Variants in STAG2 observed in about 807,000 individuals in gnomAD.
STAG2 encodes cohesin subunit SA-2.
Under a neutral mutation model 108.1 loss-of-function variants are expected in STAG2, and 14 were observed. The observed-to-expected ratio is 0.13, with a 90% CI of 0.09 to 0.20. The LOEUF is 0.20. Among genes scored for constraint, STAG2 ranks in the 10% least tolerant of loss-of-function variants. The pLI, the probability that STAG2 is intolerant of heterozygous loss-of-function variation, is 1.00. For synonymous variants in STAG2, 307 were observed against 302.7 expected, an observed-to-expected ratio of 1.01 and a Z score of -0.15; for missense variants, 440 against 940.9, an observed-to-expected ratio of 0.47 and a Z score of 6.96.
intron 1 of STAG2, among the ~76,000 whole-genome samples, chrX:123,964,057 C>A (rs1230786328): frequency 9.0e-6 from 1 of 111,350 alleles, no homozygotes; most frequent in Non-Finnish European, 1.9e-5. Flanking sequence ...CTCATTGTTA[C>A]TATTATTCTC....
intron 32 of STAG2, among the ~76,000 whole-genome samples, chrX:124,092,766 T>C (rs2059284200): frequency 8.9e-6 from 1 of 112,231 alleles, no homozygotes; most frequent in African/African-American, 3.2e-5. Flanking sequence ...TATATCTTCC[T>C]TGTACTTCAA....
At chrX:124,041,706 G>A (rs1454823769) in intron 6 of STAG2, among the ~76,000 whole-genome samples, 1 of 111,156 alleles carries the variant, frequency 9.0e-6, no homozygotes, top group Non-Finnish European at 1.9e-5. Flanking sequence ...GGAAGTTCAT[G>A]TATCTCTTCT....
chrX:124,051,563 G>C (rs963665410), intron 13 of STAG2, among the ~76,000 whole-genome samples, 169 bp downstream of exon 13: 1 of 110,976 alleles, frequency 9.0e-6, no homozygotes, highest in Non-Finnish European at 1.9e-5. Flanking sequence ...ACAGGAAGAA[G>C]GAACCATAGA....
intron 1 of STAG2, among the ~76,000 whole-genome samples, chrX:123,968,207 C>T (rs1395627516): frequency 1.8e-5 from 2 of 111,920 alleles, no homozygotes; most frequent in Non-Finnish European, 3.8e-5. Flanking sequence ...CTGGGACCAC[C>T]GTCTTATATG....
At chrX:124,058,157 T>C (rs6649144) in intron 15 of STAG2, among the ~76,000 whole-genome samples, 180 bp downstream of exon 15, 81 of 94,696 alleles carry the variant, frequency 8.6e-4, no homozygotes, top group East Asian at 9.5e-4. Flanking sequence ...TTTTCTTCTT[T>C]TTTTTTTTTT....
chrX:123,989,367 C>T (rs866358291), intron 1 of STAG2, among the ~76,000 whole-genome samples: 2 of 111,003 alleles, frequency 1.8e-5, no homozygotes, highest in South Asian at 7.4e-4. Flanking sequence ...TAATCATAAA[C>T]GAATTGAATT....
At chrX:124,076,555 C>G in intron 26 of STAG2, 84 bp downstream of exon 26, 1 of 881,333 alleles carries the variant, frequency 1.1e-6, no homozygotes, top group Admixed American at 3.7e-5. Context: ...TCTTTAAGGG[C>G]AAATTACATT....
intron 1 of STAG2, among the ~76,000 whole-genome samples, chrX:124,011,684 A>G (rs1456377093): frequency 9.0e-6 from 1 of 111,497 alleles, no homozygotes; most frequent in Non-Finnish European, 1.9e-5. Context: ...TCTTCTTGCT[A>G]GTGGGAACTC....
chrX:123,977,830 G>GTT, intron 1 of STAG2, among the ~76,000 whole-genome samples: 1 of 71,391 alleles, frequency 1.4e-5, no homozygotes, highest in East Asian at 4.8e-4. Flanking sequence ...TGGTTCCCAA[G>GTT]TGTTTTTTTT....
chrX:124,009,422 G>GATA (rs2056429119), intron 1 of STAG2, among the ~76,000 whole-genome samples: 2 of 83,639 alleles, frequency 2.4e-5, no homozygotes, highest in Admixed American at 3.3e-4. Context: ...TAGGTAGGTA[G>GATA]GTAGGTAGGT....
At chrX:123,991,698 CTT>C (rs1429025278) in intron 1 of STAG2, among the ~76,000 whole-genome samples, 19 of 88,705 alleles carry the variant, frequency 2.1e-4, no homozygotes, top group Non-Finnish European at 3.3e-4. Context: ...GAGTTTCGCT[CTT>C]GTTGCCCAGG....
intron 1 of STAG2, among the ~76,000 whole-genome samples, chrX:123,998,773 T>C (rs2055887990): frequency 1.8e-5 from 2 of 111,425 alleles, no homozygotes; most frequent in African/African-American, 6.5e-5. Context: ...AATATTCTTA[T>C]AAAAGTTGTA....
chrX:124,002,074 A>G (rs769205983), intron 1 of STAG2, among the ~76,000 whole-genome samples: 1 of 111,297 alleles, frequency 9.0e-6, no homozygotes, highest in African/African-American at 3.3e-5. Flanking sequence ...ATAAACACAC[A>G]AAAACACAAA....
intron 20 of STAG2, among the ~76,000 whole-genome samples, chrX:124,065,626 G>T (rs1351581143): frequency 9.0e-6 from 1 of 111,417 alleles, no homozygotes; most frequent in Admixed American, 9.5e-5. Flanking sequence ...TTTGTGTCAA[G>T]TTTACTTAGA....
intron 33 of STAG2, among the ~76,000 whole-genome samples, chrX:124,095,008 A>G (rs2059343567): frequency 9.1e-6 from 1 of 110,442 alleles, no homozygotes; most frequent in Non-Finnish European, 1.9e-5. Flanking sequence ...GCTCACTGCA[A>G]GCTCCACCTC....
chrX:124,004,217 C>T (rs2056188212), intron 1 of STAG2, among the ~76,000 whole-genome samples: 1 of 111,915 alleles, frequency 8.9e-6, no homozygotes, highest in Non-Finnish European at 1.9e-5. Flanking sequence ...CTCCTCAATT[C>T]TGTTAATCCA....
chrX:124,066,582 T>C, intron 23 of STAG2, 146 bp downstream of exon 23: 2 of 421,177 alleles, frequency 4.7e-6, no homozygotes, highest in Non-Finnish European at 8.1e-6. Context: ...GTATATTCAG[T>C]GGAGAGGATA....
intron 20 of STAG2, among the ~76,000 whole-genome samples, chrX:124,064,340 G>T (rs1404602409): frequency 9.0e-6 from 1 of 111,380 alleles, no homozygotes. Context: ...AAGGAATAGG[G>T]TGTTAATGGA....
chrX:124,025,383 TAA>T (rs1158001391), intron 3 of STAG2, among the ~76,000 whole-genome samples: 1 of 111,668 alleles, frequency 9.0e-6, no homozygotes, highest in African/African-American at 3.2e-5. Context: ...CCTAGATTTA[TAA>T]ATACTTTTCG....
Sources: allele counts gnomAD v4.1 joint callset (sites outside exome capture counted in the v4.1 genomes callset), GRCh38; gene constraint gnomAD v4.1.1; transcripts MANE v1.5; gene names NCBI Gene and HGNC (gene_info 2026-07-23, HGNC 2026-07-21).